Variants in RASEF observed in about 807,000 individuals in gnomAD.
The protein encoded by RASEF is ras and EF-hand domain-containing protein.
Under a neutral mutation model 90.1 loss-of-function variants are expected in RASEF, and 68 were observed. The ratio of observed to expected loss-of-function variants is 0.75; its 90% CI spans 0.62 to 0.92. The LOEUF (loss-of-function observed/expected upper bound fraction) is 0.92, where lower values mean the gene tolerates loss of function less well. Among genes scored for constraint, RASEF ranks in the 40% least tolerant of loss-of-function variants. The pLI is 0.00. For synonymous variants in RASEF, 331 were observed against 345.2 expected (o/e 0.96, Z 0.46); for missense variants, 949 against 937.2 (o/e 1.01, Z -0.16).
chr9:83,161,348 C>T, the RASEF span, among the ~76,000 whole-genome samples: 2 of 152,152 alleles, frequency 1.3e-5, no homozygotes, highest in Non-Finnish European at 2.9e-5. Context: ...GGATGTGAGA[C>T]ATGGAATCAA....
chr9:83,157,212 G>A, the RASEF span, among the ~76,000 whole-genome samples: 7 of 152,222 alleles, frequency 4.6e-5, no homozygotes, highest in South Asian at 4.1e-4. Context: ...GTTAGTGTGC[G>A]TGAAAGTATG....
the RASEF span, among the ~76,000 whole-genome samples, chr9:83,143,679 A>T: frequency 0.12 from 18,162 of 152,234 alleles, 1,211 homozygotes; most frequent in East Asian, 0.29. Context: ...AGGCTGTGGA[A>T]AAAAGGGAAC....
chr9:83,116,977 T>C, the RASEF span, among the ~76,000 whole-genome samples: 1 of 152,184 alleles, frequency 6.6e-6, no homozygotes, highest in East Asian at 1.9e-4. Flanking sequence ...CTTAAGCAAG[T>C]ATCTAGGGTA....
intron 1 of RASEF, among the ~76,000 whole-genome samples, chr9:83,027,662 G>A (rs1382500833): frequency 6.6e-6 from 1 of 152,236 alleles, no homozygotes; most frequent in African/African-American, 2.4e-5. Context: ...TAGCTGATCT[G>A]AAAGAGGATA....
the RASEF span, among the ~76,000 whole-genome samples, chr9:83,169,755 T>C: frequency 6.6e-6 from 1 of 152,160 alleles, no homozygotes; most frequent in African/African-American, 2.4e-5. Flanking sequence ...TTTTGGGAAA[T>C]ATCTATTCAG....
chr9:83,119,776 GCTGTT>G, the RASEF span, among the ~76,000 whole-genome samples: 1 of 152,154 alleles, frequency 6.6e-6, no homozygotes, highest in African/African-American at 2.4e-5. Context: ...TCTTTCCCGT[GCTGTT>G]CTTATGATAG....
In RASEF at chr9:83,004,511, G is replaced by C. The variant is rs145846912; in HGVS notation, c.1189C>G (p.Leu397Val). Residue 397 changes from leucine to valine, a missense_variant, in exon 9 of 17, where the codon CTA (leucine) becomes GTA (valine). Around this residue, in one of 3 missense-constraint regions of RASEF, gnomAD observed 656 missense variants for 592.2 expected, o/e 1.11. Coordinates refer to ENST00000376447, the MANE Select transcript of RASEF (RefSeq NM_152573.4). ...GAGTTAACATACCTGTCATAGCCTA[G>C]AGGTTGAGGGGAATGACCAATGAAT... ...PKFIGHSPQP[L>V]GYDRSSRSSY... is the part of the protein sequence containing the mutation. 77 of 1,596,002 alleles carry C rather than the reference G, an allele frequency of 4.8e-5. No homozygotes were observed. The highest frequency in any genetic ancestry group is 6.4e-5 in the Non-Finnish European group (74 of 1,163,740).
chr9:82,986,174 T>C (rs1450912268), intron 16 of RASEF, among the ~76,000 whole-genome samples: 1 of 152,194 alleles, frequency 6.6e-6, no homozygotes, highest in Non-Finnish European at 1.5e-5. Flanking sequence ...AGGTTGGTGG[T>C]GAAGAGTCCT....
Position 83,009,361 on chromosome 9 carries a change from T to A in RASEF, c.959+280A>T, listed in dbSNP as rs958612804. On this transcript the variant is annotated intron_variant, in intron 6 of 16. Transcript: ENST00000376447. ...GACTTCAAAACACTTTAATAAGTAC[T>A]AACCCTTGACACTGTGGTATATTCT... 1.7e-4 allele frequency among the ~76,000 whole-genome samples: 26 copies of A among 152,230 alleles called. 1 individual carries two copies. Among genetic ancestry groups the A allele is most frequent in the African/African-American group, 6.3e-4 (26 of 41,464 alleles).
intron 14 of RASEF, among the ~76,000 whole-genome samples, 172 bp from the exon 15 acceptor site, chr9:82,993,197 C>T (rs1828847775): frequency 6.6e-6 from 1 of 152,140 alleles, no homozygotes; most frequent in African/African-American, 2.4e-5. Context: ...CATACATTTT[C>T]CCATTCACAG....
rs143251199 is a variant in RASEF, at chr9:83,011,048, T to C, written c.844-1292A>G. ...ACTTAATAAATTGTGAGGGGGAATG[T>C]AGACATTCTCAAATATTCAAAAACA... On this transcript the variant is annotated intron_variant, in intron 5 of 16. Coordinates refer to ENST00000376447, the MANE Select transcript of RASEF (RefSeq NM_152573.4). 5.0e-3 allele frequency among the ~76,000 whole-genome samples: 756 copies of C among 152,316 alleles called. 4 individuals carry two copies. The highest frequency in any genetic ancestry group is 0.018 in the African/African-American group (731 of 41,576).
chr9:83,072,690 A>G, the RASEF span, among the ~76,000 whole-genome samples: 11 of 152,306 alleles, frequency 7.2e-5, no homozygotes, highest in East Asian at 1.4e-3. Flanking sequence ...TAGCTTGGGA[A>G]ATAGATGACT....
intron 3 of RASEF, among the ~76,000 whole-genome samples, chr9:83,018,369 C>G (rs1829381804): frequency 6.6e-6 from 1 of 152,184 alleles, no homozygotes; most frequent in African/African-American, 2.4e-5. Context: ...ATACTATTTA[C>G]AGTATCATCA....
the RASEF span, among the ~76,000 whole-genome samples, chr9:83,132,772 G>A: frequency 6.6e-6 from 1 of 152,110 alleles, no homozygotes; most frequent in Non-Finnish European, 1.5e-5. Flanking sequence ...AAAATGCTGG[G>A]CTAAATTAAT....
At chr9:82,991,087 C>G (rs571797701) in intron 15 of RASEF, among the ~76,000 whole-genome samples, 2 of 152,172 alleles carry the variant, frequency 1.3e-5, no homozygotes, top group Non-Finnish European at 2.9e-5. Flanking sequence ...CCCAGGCAAG[C>G]TCTGAGCTTC....
the RASEF span, among the ~76,000 whole-genome samples, chr9:83,177,802 G>A: frequency 1.3e-5 from 2 of 151,916 alleles, no homozygotes; most frequent in African/African-American, 4.8e-5. Context: ...TGAAATTTGG[G>A]AAGTTATTAT....
At chr9:83,007,988 A>G (rs1829164677) in intron 6 of RASEF, among the ~76,000 whole-genome samples, 1 of 151,970 alleles carries the variant, frequency 6.6e-6, no homozygotes, top group South Asian at 2.1e-4. Flanking sequence ...TCCATCTCAC[A>G]CTACTCCTGC....
the RASEF span, among the ~76,000 whole-genome samples, chr9:83,128,149 T>C: frequency 6.6e-6 from 1 of 152,078 alleles, no homozygotes; most frequent in East Asian, 1.9e-4. Flanking sequence ...TTAGCAACTC[T>C]TCTTTAAAAA....
In RASEF at chr9:83,005,451, G is replaced by A; in HGVS notation, c.1078C>T (p.Leu360Phe). 6.2e-7 allele frequency: 1 copy of A among 1,613,954 alleles called. No individual in the cohort carries two copies. Among genetic ancestry groups the A allele is most frequent in the South Asian group, 1.1e-5 (1 of 91,072 alleles). ...HDSNDGLRSALENSYSKFNRS... is the reference protein window; with the variant it reads ...HDSNDGLRSAFENSYSKFNRS... Reference sequence around the variant, plus strand: ...TTGAACTTGCTATAACTGTTTTCAAGGGCACTTCTAAGGCCATCATTACTG... The same window carrying A: ...TTGAACTTGCTATAACTGTTTTCAAAGGCACTTCTAAGGCCATCATTACTG... Residue 360 changes from leucine (L) to phenylalanine (F), a missense_variant, in exon 8 of 17, where the codon CTT (leucine) becomes TTT (phenylalanine). This residue lies in a region of RASEF where 656 missense variants were observed against 592.2 expected (regional missense o/e 1.11). Transcript: ENST00000376447.
Sources: allele counts gnomAD v4.1 joint callset (sites outside exome capture counted in the v4.1 genomes callset), GRCh38; gene constraint gnomAD v4.1.1; regional missense constraint gnomAD v4.1.1; transcripts MANE v1.5; gene names NCBI Gene and HGNC (gene_info 2026-07-23, HGNC 2026-07-21).